ARHGAP31: variants seen among roughly 807,000 people sequenced by gnomAD.
ARHGAP31 encodes Rho GTPase activating protein 31.
ARHGAP31 carries 34 observed loss-of-function variants against 113.9 expected under a neutral mutation model. The observed-to-expected ratio is 0.30, with a 90% confidence interval of 0.23 to 0.40. The LOEUF is 0.40. ARHGAP31 is among the 10% of genes least tolerant of loss of function. ARHGAP31 has a pLI of 1.00. For missense variants in ARHGAP31, 1,548 were observed against 1,767.1 expected (o/e 0.88, Z 2.22); for synonymous variants, 650 against 684.8 (o/e 0.95, Z 0.79).
chr3:119,321,598 G>A (rs1576992818), intron 1 of ARHGAP31, among the ~76,000 whole-genome samples: 2 of 150,548 alleles, frequency 1.3e-5, no homozygotes, highest in South Asian at 2.1e-4. Flanking sequence ...TCTTATAACC[G>A]AAGTCTTTAT....
chr3:119,333,874 A>G (rs1576998817), intron 1 of ARHGAP31, among the ~76,000 whole-genome samples: 1 of 152,222 alleles, frequency 6.6e-6, no homozygotes, highest in East Asian at 1.9e-4. Context: ...CTGAAGTAAA[A>G]TTGAAATAAG....
chr3:119,344,434 C>T (rs1246924621), intron 1 of ARHGAP31, among the ~76,000 whole-genome samples: 1 of 152,202 alleles, frequency 6.6e-6, no homozygotes, highest in Non-Finnish European at 1.5e-5. Flanking sequence ...AAAGTCCCCA[C>T]TGTGCAGGGC....
At chr3:119,337,348 C>T (rs1012966119) in intron 1 of ARHGAP31, among the ~76,000 whole-genome samples, 2 of 152,116 alleles carry the variant, frequency 1.3e-5, no homozygotes, top group Non-Finnish European at 1.5e-5. Flanking sequence ...GTTGTTCTTT[C>T]CTCCCGGTGG....
intron 1 of ARHGAP31, among the ~76,000 whole-genome samples, chr3:119,354,220 A>G (rs2080136122): frequency 6.6e-6 from 1 of 152,222 alleles, no homozygotes; most frequent in Non-Finnish European, 1.5e-5. Context: ...AAGGGGTAAT[A>G]ACCTCAACAG....
At chr3:119,300,830 C>CAAA (rs1180971088) in intron 1 of ARHGAP31, among the ~76,000 whole-genome samples, 50 of 88,428 alleles carry the variant, frequency 5.7e-4, no homozygotes, top group East Asian at 3.3e-3. Context: ...GACTCCATCT[C>CAAA]AAAAAAAAAA....
At chr3:119,388,842 T>TA (rs1377786428) in intron 6 of ARHGAP31, among the ~76,000 whole-genome samples, 2 of 152,228 alleles carry the variant, frequency 1.3e-5, no homozygotes, top group African/African-American at 4.8e-5. Context: ...CAAGCTCTGT[T>TA]ACAAAATGTA....
chr3:119,391,074 G>T, intron 7 of ARHGAP31, 91 bp downstream of exon 7: 1 of 1,421,582 alleles, frequency 7.0e-7, no homozygotes, highest in Middle Eastern at 2.2e-4. Flanking sequence ...CAAGATGGCA[G>T]TGTGGGTTGG....
At chr3:119,390,185 C>T (rs968680652) in intron 6 of ARHGAP31, among the ~76,000 whole-genome samples, 2 of 152,188 alleles carry the variant, frequency 1.3e-5, no homozygotes, top group Non-Finnish European at 2.9e-5. Context: ...AAAGGATCAG[C>T]TACATACACT....
chr3:119,367,497 T>G (rs1330078416), intron 2 of ARHGAP31, among the ~76,000 whole-genome samples: 1 of 152,150 alleles, frequency 6.6e-6, no homozygotes, highest in East Asian at 1.9e-4. Context: ...AAGAAGATAT[T>G]TATGAATTCA....
At chr3:119,381,849 G>A (rs575628855) in intron 4 of ARHGAP31, among the ~76,000 whole-genome samples, 8 of 152,178 alleles carry the variant, frequency 5.3e-5, no homozygotes, top group Admixed American at 2.0e-4. Context: ...AGCCGGGCGT[G>A]GTGGCGGGCG....
At chr3:119,326,478 A>G (rs765634422) in intron 1 of ARHGAP31, among the ~76,000 whole-genome samples, 13 of 134,412 alleles carry the variant, frequency 9.7e-5, no homozygotes, top group African/African-American at 2.5e-4. Flanking sequence ...AAAACTTAAG[A>G]AAGTATGAGA....
chr3:119,330,398 G>A (rs2079882328), intron 1 of ARHGAP31, among the ~76,000 whole-genome samples: 1 of 152,128 alleles, frequency 6.6e-6, no homozygotes, highest in African/African-American at 2.4e-5. Context: ...ATGACCCGAT[G>A]GTCTGTGTTG....
chr3:119,379,505 G>T (rs2080377038), intron 3 of ARHGAP31, among the ~76,000 whole-genome samples: 1 of 152,214 alleles, frequency 6.6e-6, no homozygotes, highest in Non-Finnish European at 1.5e-5. Flanking sequence ...GCAGCTAAAG[G>T]TTGAACAGAG....
chr3:119,362,469 C>T (rs1300145624), intron 1 of ARHGAP31, among the ~76,000 whole-genome samples: 2 of 152,284 alleles, frequency 1.3e-5, no homozygotes, highest in East Asian at 1.9e-4. Context: ...AACAGCCATT[C>T]TAAGAAGTAG....
intron 10 of ARHGAP31, among the ~76,000 whole-genome samples, chr3:119,403,438 T>C (rs947069429): frequency 6.6e-6 from 1 of 152,196 alleles, no homozygotes; most frequent in Admixed American, 6.5e-5. Context: ...CTGTGTTCAC[T>C]ATGGGCTGTG....
Position 119,402,013 on chromosome 3 carries a change from C to T in ARHGAP31, c.1261C>T (p.Gln421Ter). 6.2e-7 allele frequency: 1 copy of T among 1,614,182 alleles called. No individual in the cohort carries two copies. The highest frequency in any genetic ancestry group is 8.5e-7 in the Non-Finnish European group (1 of 1,180,034). The change falls in exon 10 of 12, where the codon CAG (glutamine) becomes TAG (stop). Residue 421 changes from glutamine (Q) to a stop codon, truncating the protein, a stop_gained. Coordinates refer to ENST00000264245, the MANE Select transcript of ARHGAP31 (RefSeq NM_020754.4). LOFTEE classifies it high-confidence loss of function. ...TGTGAGCAGTGATCGCAGCCATCTCCAGGGCGCTCAGGCCCGGCCCCCACC... is the reference window on the plus strand; with the variant it reads ...TGTGAGCAGTGATCGCAGCCATCTCTAGGGCGCTCAGGCCCGGCCCCCACC... ...FDVSSDRSHL[Q>*]GAQARPPPEQ... is the part of the protein sequence containing the mutation.
At chr3:119,386,791 C>T (rs976572299) in intron 6 of ARHGAP31, among the ~76,000 whole-genome samples, 3 of 152,202 alleles carry the variant, frequency 2.0e-5, no homozygotes, top group South Asian at 4.1e-4. Context: ...ACGTGGGTCA[C>T]GTGTCCACTG....
At chr3:119,400,296 C>T (rs980432755) in intron 9 of ARHGAP31, among the ~76,000 whole-genome samples, 8 of 151,878 alleles carry the variant, frequency 5.3e-5, no homozygotes, top group Non-Finnish European at 7.4e-5. Flanking sequence ...ATTAGCCAGG[C>T]GTGGTGGTGC....
At chr3:119,345,933 C>A (rs1156402294) in intron 1 of ARHGAP31, among the ~76,000 whole-genome samples, 1 of 152,200 alleles carries the variant, frequency 6.6e-6, no homozygotes, top group African/African-American at 2.4e-5. Context: ...TTTACATGGA[C>A]ACTCAGATGC....
Sources: allele counts gnomAD v4.1 joint callset (sites outside exome capture counted in the v4.1 genomes callset), GRCh38; gene constraint gnomAD v4.1.1; transcripts MANE v1.5; gene names NCBI Gene and HGNC (gene_info 2026-07-23, HGNC 2026-07-21).